Variants in ARHGAP28 observed in about 807,000 individuals in gnomAD.
The protein encoded by ARHGAP28 is Rho GTPase activating protein 28, also known as rho GTPase-activating protein 28.
Under a neutral mutation model 90.7 loss-of-function variants are expected in ARHGAP28, and 56 were observed. That is an observed-to-expected ratio of 0.62 (90% CI 0.50 to 0.77). ARHGAP28 has a LOEUF of 0.77. Ranked by LOEUF, ARHGAP28 falls within the 30% of genes least tolerant of loss-of-function variation. The pLI is 0.00. For synonymous variants in ARHGAP28, 308 were observed against 323.3 expected, an observed-to-expected ratio of 0.95 and a Z score of 0.51; for missense variants, 869 against 900.9, an observed-to-expected ratio of 0.96 and a Z score of 0.45.
At chr18:6,750,435 C>T (rs865885338) in intron 1 of ARHGAP28, among the ~76,000 whole-genome samples, 6 of 152,228 alleles carry the variant, frequency 3.9e-5, no homozygotes, top group Non-Finnish European at 7.3e-5. Flanking sequence ...AGAGCCTCTT[C>T]CCCAATCTTC....
At chr18:6,910,831 T>C (rs2057392559) in intron 17 of ARHGAP28, among the ~76,000 whole-genome samples, 2 of 8,068 alleles carry the variant, frequency 2.5e-4, no homozygotes, top group African/African-American at 6.1e-4. Flanking sequence ...TTTTGTTTTT[T>C]TGTTTTGTTT....
chr18:6,848,793 C>T (rs960637091), intron 3 of ARHGAP28, among the ~76,000 whole-genome samples: 2 of 152,070 alleles, frequency 1.3e-5, no homozygotes, highest in Non-Finnish European at 2.9e-5. Flanking sequence ...ATCAAAGTAC[C>T]AGAAGGATCT....
intron 1 of ARHGAP28, among the ~76,000 whole-genome samples, chr18:6,820,570 C>A (rs1259977278): frequency 1.3e-5 from 2 of 151,962 alleles, no homozygotes; most frequent in African/African-American, 4.8e-5. Flanking sequence ...GCTCAGTAAA[C>A]CTCAATCAGA....
At chr18:6,844,705 G>A (rs537754670) in intron 3 of ARHGAP28, among the ~76,000 whole-genome samples, 46 of 152,106 alleles carry the variant, frequency 3.0e-4, no homozygotes, top group African/African-American at 9.6e-4. Flanking sequence ...TCAATTCCCT[G>A]TAGAAACGGT....
chr18:6,821,801 G>A (rs1309472066), intron 1 of ARHGAP28, among the ~76,000 whole-genome samples: 1 of 151,984 alleles, frequency 6.6e-6, no homozygotes, highest in Non-Finnish European at 1.5e-5. Context: ...GTTTTATGAG[G>A]GTCTCTTCCC....
chr18:6,859,899 T>G lies in ARHGAP28; in HGVS notation c.726+2T>G. On this transcript the variant is annotated splice_donor_variant, in intron 5 of 17. Transcript: ENST00000383472. LOFTEE classifies it high-confidence loss of function. ...GCGGTTCCCAGGAGTGACTCTGTGG[T>G]AAGTCATCCATGTCAGCACAGTTAC... The G allele has an allele frequency of 6.2e-7, 1 of 1,613,546 alleles. No individual in the cohort carries two copies. Among genetic ancestry groups the G allele is most frequent in the Non-Finnish European group, 8.5e-7 (1 of 1,179,458 alleles).
chr18:6,852,249 A>G (rs575916232), intron 4 of ARHGAP28, among the ~76,000 whole-genome samples: 1 of 152,234 alleles, frequency 6.6e-6, no homozygotes, highest in African/African-American at 2.4e-5. Flanking sequence ...TTTACAGTCC[A>G]ATCTACAGTA....
intron 2 of ARHGAP28, among the ~76,000 whole-genome samples, chr18:6,825,206 C>G (rs537096818): frequency 1.3e-5 from 2 of 152,110 alleles, no homozygotes; most frequent in Non-Finnish European, 2.9e-5. Flanking sequence ...AAATTGATGC[C>G]TTATATACTG....
chr18:6,871,121 C>CTG (rs913416974), intron 7 of ARHGAP28, among the ~76,000 whole-genome samples: 2 of 152,128 alleles, frequency 1.3e-5, no homozygotes, highest in African/African-American at 4.8e-5. Context: ...TTTTAAATAT[C>CTG]TGTGTGTGTG....
At chr18:6,850,115 T>C (rs1330010623) in intron 3 of ARHGAP28, among the ~76,000 whole-genome samples, 1 of 152,218 alleles carries the variant, frequency 6.6e-6, no homozygotes, top group Non-Finnish European at 1.5e-5. Flanking sequence ...CATTTATAAT[T>C]CAACAATCAT....
chr18:6,811,786 C>T (rs2056558886), intron 1 of ARHGAP28, among the ~76,000 whole-genome samples: 1 of 151,862 alleles, frequency 6.6e-6, no homozygotes, highest in South Asian at 2.1e-4. Context: ...AAGCATATTT[C>T]TCAAAAGGTT....
At chr18:6,846,714 C>G (rs992247849) in intron 3 of ARHGAP28, among the ~76,000 whole-genome samples, 3 of 152,138 alleles carry the variant, frequency 2.0e-5, no homozygotes, top group African/African-American at 7.2e-5. Context: ...GAGGGCAAGT[C>G]AGAGCAGACA....
In ARHGAP28 at chr18:6,873,391, C is replaced by A. The variant is rs1415765888; in HGVS notation, c.955-18C>A. ...TTCCTTTGCCATAAAAAATAAATAC[C>A]TTCACTGTGTGTTTTAGAAATTTAA... On this transcript the variant is annotated intron_variant, in intron 7 of 17. Coordinates refer to ENST00000383472, the MANE Select transcript of ARHGAP28 (RefSeq NM_001366230.1). 2 of 1,595,734 alleles carry A rather than the reference C, an allele frequency of 1.3e-6. No individual in the cohort carries two copies. Among genetic ancestry groups the A allele is most frequent in the East Asian group, 2.2e-5 (1 of 44,774 alleles).
chr18:6,839,485 G>T (rs998193998), intron 3 of ARHGAP28, among the ~76,000 whole-genome samples: 1 of 152,086 alleles, frequency 6.6e-6, no homozygotes, highest in Non-Finnish European at 1.5e-5. Flanking sequence ...TTGTAGTAGA[G>T]ACAGGGTTTC....
At chr18:6,744,366 G>A (rs1038597019) in intron 1 of ARHGAP28, among the ~76,000 whole-genome samples, 38 of 152,110 alleles carry the variant, frequency 2.5e-4, no homozygotes, top group African/African-American at 9.2e-4. Flanking sequence ...TGTACTCAGT[G>A]ACATACCCAA....
rs749881865 is a variant in ARHGAP28 at position 6,859,846 on chromosome 18, C to T, written c.675C>T (p.Asp225=). 6.2e-6 allele frequency: 10 copies of T among 1,614,092 alleles called. No homozygotes were observed. Among genetic ancestry groups the T allele is most frequent in the East Asian group, 4.5e-5 (2 of 44,902 alleles). The change falls in exon 5 of 18, where the codon GAC becomes GAT. Residue 225 remains aspartate (D), a synonymous_variant. Coordinates refer to ENST00000383472, the MANE Select transcript of ARHGAP28 (RefSeq NM_001366230.1). ...DASLNSTTLS[D]ASQDKEGSFA... ...CTCTCAACAGTACTACCCTGTCTGA[C>T]GCATCCCAGGATAAAGAAGGGAGTT...
At chr18:6,883,104 G>C (rs2057192093) in intron 11 of ARHGAP28, among the ~76,000 whole-genome samples, 1 of 152,148 alleles carries the variant, frequency 6.6e-6, no homozygotes, top group South Asian at 2.1e-4. Flanking sequence ...AAAGGTCTGT[G>C]TCCAAACTGA....
At chr18:6,900,820 A>T (rs2057334485) in intron 16 of ARHGAP28, among the ~76,000 whole-genome samples, 2 of 152,238 alleles carry the variant, frequency 1.3e-5, no homozygotes, top group Non-Finnish European at 2.9e-5. Context: ...TTCAAGAAAC[A>T]GTGAACCCAA....
intron 16 of ARHGAP28, among the ~76,000 whole-genome samples, chr18:6,904,257 G>C (rs959135675): frequency 3.3e-5 from 5 of 152,128 alleles, no homozygotes; most frequent in Non-Finnish European, 2.9e-5. Context: ...AGCTGGGCGT[G>C]GTGGCGGGCA....
Sources: gnomAD v4.1 joint callset for allele counts (sites outside exome capture counted in the v4.1 genomes callset) on GRCh38, gnomAD v4.1.1 for gene constraint, MANE v1.5 for transcripts, NCBI Gene and HGNC (gene_info 2026-07-23, HGNC 2026-07-21) for gene names.